PLCG2: variants seen among roughly 807,000 people sequenced by gnomAD.
The protein encoded by PLCG2 is phospholipase C gamma 2.
In PLCG2, 69 loss-of-function variants were observed where a neutral mutation model predicts 175.6. That is an observed-to-expected ratio of 0.39 (90% CI 0.32 to 0.48). The LOEUF is 0.48. Ranked by LOEUF, PLCG2 falls within the 20% of genes least tolerant of loss-of-function variation. The pLI, the probability that PLCG2 is intolerant of heterozygous loss-of-function variation, is 0.91. For synonymous variants in PLCG2, 827 were observed against 624.0 expected, an observed-to-expected ratio of 1.33 and a Z score of -4.85; for missense variants, 1,798 against 1,650.9, an observed-to-expected ratio of 1.09 and a Z score of -1.54.
intron 2 of PLCG2, among the ~76,000 whole-genome samples, chr16:81,800,420 G>A (rs1016779738): frequency 6.6e-6 from 1 of 152,124 alleles, no homozygotes; most frequent in African/African-American, 2.4e-5. Flanking sequence ...CTGTGTCCAT[G>A]TGTTCTCATT....
chr16:81,940,673 A>G (rs1910903347), intron 30 of PLCG2, among the ~76,000 whole-genome samples: 1 of 151,912 alleles, frequency 6.6e-6, no homozygotes, highest in Non-Finnish European at 1.5e-5. Context: ...GCTCTTAAGA[A>G]CCCTGCTGAA....
intron 2 of PLCG2, among the ~76,000 whole-genome samples, chr16:81,757,611 T>A (rs1308253481): frequency 6.6e-6 from 1 of 152,136 alleles, no homozygotes; most frequent in Admixed American, 6.6e-5. Flanking sequence ...TTGTTTCACA[T>A]TTTCCTCCAG....
intron 4 of PLCG2, 104 bp from the exon 5 acceptor site, chr16:81,859,012 T>C (rs1906827152): frequency 1.5e-6 from 1 of 674,936 alleles, no homozygotes; most frequent in African/African-American, 1.8e-5. Context: ...ACTCCTCCTT[T>C]TGGTTCCAGT....
chr16:81,812,960 A>C (rs553282280), intron 2 of PLCG2, among the ~76,000 whole-genome samples: 1 of 152,154 alleles, frequency 6.6e-6, no homozygotes, highest in South Asian at 2.1e-4. Context: ...GTTTTTGTCA[A>C]GTTTGTCAAA....
Position 81,787,188 on chromosome 16 carries a change from C to T in PLCG2, c.193+1006C>T, listed in dbSNP as rs144374360. Among the ~76,000 whole-genome samples, 1,303 of 151,828 alleles carry T rather than the reference C, an allele frequency of 8.6e-3. 28 individuals carry two copies. The highest frequency in any genetic ancestry group is 0.03 in the African/African-American group (1,250 of 41,374). On this transcript the variant is annotated intron_variant, in intron 2 of 32. Coordinates refer to ENST00000564138, the MANE Select transcript of PLCG2 (RefSeq NM_002661.5). The stretch of plus-strand genomic sequence containing the variant: ...CTATTTCCAGGCTTTTGTTATTATT[C>T]GAAGTGACTATCATTGTACTCTTTT...
intron 2 of PLCG2, among the ~76,000 whole-genome samples, chr16:81,810,267 G>A (rs1904306088): frequency 6.6e-6 from 1 of 152,190 alleles, no homozygotes; most frequent in Non-Finnish European, 1.5e-5. Flanking sequence ...ATTACGGTGT[G>A]AGCCACCGTG....
At chr16:81,951,290 C>G (rs949253055) in intron 31 of PLCG2, among the ~76,000 whole-genome samples, 17 of 152,204 alleles carry the variant, frequency 1.1e-4, no homozygotes, top group African/African-American at 3.6e-4. Flanking sequence ...AACTCTTTGC[C>G]TACTTAATAA....
At chr16:81,919,894 G>C (rs1209180600) in intron 20 of PLCG2, among the ~76,000 whole-genome samples, 1 of 152,194 alleles carries the variant, frequency 6.6e-6, no homozygotes, top group Non-Finnish European at 1.5e-5. Context: ...GTGCCAGATG[G>C]TGATGAGTGC....
chr16:81,778,021 A>AAAAAACAAAC, upstream of PLCG2, among the ~76,000 whole-genome samples: 2 of 67,146 alleles, frequency 3.0e-5, no homozygotes, highest in Middle Eastern at 0.014. Context: ...TGTCTCAAAA[A>AAAAAACAAAC]AAAAAAAAAA....
intron 2 of PLCG2, among the ~76,000 whole-genome samples, chr16:81,769,707 C>T (rs1910233025): frequency 6.7e-6 from 1 of 149,636 alleles, no homozygotes; most frequent in Non-Finnish European, 1.5e-5. Flanking sequence ...GTAGTCCCAG[C>T]TACTTGGGAG....
chr16:81,958,009 A>G lies in PLCG2; in HGVS notation c.*11A>G, dbSNP rs745892937. 3 of 1,601,064 alleles carry G rather than the reference A, an allele frequency of 1.9e-6. No homozygotes were observed. Among genetic ancestry groups the G allele is most frequent in the Non-Finnish European group, 2.6e-6 (3 of 1,168,220 alleles). Reference sequence around the variant, plus strand: ...AAGTTTTACTCATAGAAGCTGGGGTATGTGTGTAAGGGTATTGTGTGTGTG... The same window carrying G: ...AAGTTTTACTCATAGAAGCTGGGGTGTGTGTGTAAGGGTATTGTGTGTGTG... On this transcript the variant is annotated 3_prime_UTR_variant, in exon 33 of 33. Transcript: ENST00000564138.
At chr16:81,914,864 G>T (rs1909775226) in intron 19 of PLCG2, among the ~76,000 whole-genome samples, 1 of 152,216 alleles carries the variant, frequency 6.6e-6, no homozygotes, top group Admixed American at 6.5e-5. Flanking sequence ...CACTGTCAGG[G>T]AAGCTCAGTC....
intron 19 of PLCG2, among the ~76,000 whole-genome samples, chr16:81,917,528 C>G (rs934910385): frequency 6.6e-6 from 1 of 152,076 alleles, no homozygotes; most frequent in Non-Finnish European, 1.5e-5. Flanking sequence ...TGCAGGGGTC[C>G]CCTTTTCTCC....
chr16:81,761,606 T>A (rs1910043049), intron 2 of PLCG2, among the ~76,000 whole-genome samples: 1 of 152,072 alleles, frequency 6.6e-6, no homozygotes, highest in African/African-American at 2.4e-5. Flanking sequence ...CTTTGTAAAA[T>A]GGGGATCAAA....
intron 1 of PLCG2, among the ~76,000 whole-genome samples, chr16:81,744,309 T>C (rs1397546181): frequency 1.3e-5 from 2 of 151,260 alleles, no homozygotes; most frequent in African/African-American, 2.4e-5. Context: ...GGATTACAGG[T>C]GCCCGCCACC....
At chr16:81,760,475 C>T (rs1426196649) in intron 2 of PLCG2, among the ~76,000 whole-genome samples, 6 of 152,152 alleles carry the variant, frequency 3.9e-5, no homozygotes, top group Admixed American at 3.3e-4. Context: ...AGCTGAGCGT[C>T]CCTACCCAAG....
rs556091955 is a variant in PLCG2, at chr16:81,779,373, C to A, written c.-99C>A. The A allele has an allele frequency of 6.6e-6, 1 of 151,098 alleles. No individual in the cohort carries two copies. The highest frequency in any genetic ancestry group is 2.1e-4 in the South Asian group (1 of 4,824). 9.4% of individuals were successfully genotyped at this position (151,098 alleles called of 1,614,324 possible). A position where few individuals can be genotyped will look rare whatever the true frequency, so the allele number is the denominator to read the frequency against. On this transcript the variant is annotated 5_prime_UTR_variant, in exon 1 of 33. Transcript: ENST00000564138. ...GACGCGGGCTGCGCGCGCGGGACCC[C>A]GGAGCCCAAACCCGGGGCAGGCGGG...
chr16:81,862,288 C>A (rs770461235), intron 5 of PLCG2, among the ~76,000 whole-genome samples: 1 of 152,246 alleles, frequency 6.6e-6, no homozygotes, highest in Non-Finnish European at 1.5e-5. Flanking sequence ...GGCCCAAGCA[C>A]GCTGTTTCAT....
intron 20 of PLCG2, 59 bp downstream of exon 20, chr16:81,919,723 C>G: frequency 1.4e-6 from 2 of 1,440,874 alleles, no homozygotes; most frequent in Non-Finnish European, 9.7e-7. Flanking sequence ...TGTAACTCAT[C>G]TGTTCATGAA....
Sources: gnomAD v4.1 joint callset for allele counts (sites outside exome capture counted in the v4.1 genomes callset) on GRCh38, gnomAD v4.1.1 for gene constraint, MANE v1.5 for transcripts, NCBI Gene and HGNC (gene_info 2026-07-23, HGNC 2026-07-21) for gene names.